The following RAPGEF2 variants were observed in gnomAD, a reference collection of about 807,000 sequenced individuals.
RAPGEF2 encodes PDZ domain containing guanine nucleotide exchange factor (GEF) 1.
In RAPGEF2, 54 loss-of-function variants were observed where a neutral mutation model predicts 186.7. That is an observed-to-expected ratio of 0.29 (90% CI 0.23 to 0.36). RAPGEF2 has a LOEUF of 0.36. Ranked by LOEUF, RAPGEF2 falls within the 10% of genes least tolerant of loss-of-function variation. The probability of loss-of-function intolerance (pLI) is 1.00; values close to 1 mark genes in which losing one functional copy is unlikely to be tolerated. For missense variants in RAPGEF2, 1,532 were observed against 2,045.0 expected (o/e 0.75, Z 4.84); for synonymous variants, 712 against 705.9 (o/e 1.01, Z -0.14).
At chr4:159,326,630 A>G (rs569526971) in intron 11 of RAPGEF2, 2 of 152,226 alleles carry the variant, frequency 1.3e-5, no homozygotes, top group Admixed American at 1.3e-4. Context: ...CAGTTCTCCC[A>G]CTTCAGTGTC....
At chr4:159,243,428 A>C (rs1170954519) in intron 6 of RAPGEF2, among the ~76,000 whole-genome samples, 1 of 152,004 alleles carries the variant, frequency 6.6e-6, no homozygotes, top group Non-Finnish European at 1.5e-5. Flanking sequence ...TAGTAAAAAG[A>C]ATTAAATAGA....
At chr4:159,120,426 G>A (rs997057558) in intron 1 of RAPGEF2, among the ~76,000 whole-genome samples, 44 of 152,156 alleles carry the variant, frequency 2.9e-4, no homozygotes, top group African/African-American at 1.0e-3. Context: ...ATAACTTTAT[G>A]TCTTTAAGAA....
rs1371330731 is a variant in RAPGEF2 at position 159,355,935 on chromosome 4, G to T, written c.4734G>T (p.Gly1578=). 6.3e-7 allele frequency: 1 copy of T among 1,598,864 alleles called. No individual in the cohort carries two copies. The highest frequency in any genetic ancestry group is 8.5e-7 in the Non-Finnish European group (1 of 1,173,276). Residue 1578 remains glycine, a synonymous_variant, in exon 29 of 30, where the codon GGG becomes GGT. Transcript: ENST00000691494. ...IGIPITDFPE[G]HSHPARKPPD... is the part of the protein sequence containing the mutation. ...TTCCCATTACTGACTTTCCAGAAGG[G>T]CACTCCCATCCAGCCAGGAAACCGC...
chr4:159,322,620 T>TCA, intron 10 of RAPGEF2, 137 bp downstream of exon 10: 2 of 667,384 alleles, frequency 3.0e-6, no homozygotes, highest in Non-Finnish European at 5.2e-6. Flanking sequence ...AGAATTATGG[T>TCA]ACACCTGTTA....
intron 3 of RAPGEF2, among the ~76,000 whole-genome samples, 187 bp downstream of exon 3, chr4:159,193,443 T>G (rs1242925993): frequency 6.6e-6 from 1 of 152,218 alleles, no homozygotes; most frequent in African/African-American, 2.4e-5. Context: ...CCTGATAAGT[T>G]CACATTTGTG....
intron 1 of RAPGEF2, among the ~76,000 whole-genome samples, chr4:159,132,591 T>A (rs1330620862): frequency 6.6e-6 from 1 of 152,214 alleles, no homozygotes; most frequent in East Asian, 1.9e-4. Flanking sequence ...CTTTTTAAAA[T>A]CTGACTTTTC....
chr4:159,123,932 C>G (rs541544153), intron 1 of RAPGEF2, among the ~76,000 whole-genome samples: 1 of 151,976 alleles, frequency 6.6e-6, no homozygotes, highest in South Asian at 2.1e-4. Flanking sequence ...CTCGTCTCAC[C>G]GCAAACTCTG....
At chr4:159,157,160 C>CATGACCT (rs1744217625) in intron 1 of RAPGEF2, among the ~76,000 whole-genome samples, 3 of 152,152 alleles carry the variant, frequency 2.0e-5, no homozygotes, top group Non-Finnish European at 2.9e-5. Flanking sequence ...ACCTTCTTCA[C>CATGACCT]ATAACACTTC....
At chr4:159,167,513 G>A (rs559680918) in intron 1 of RAPGEF2, among the ~76,000 whole-genome samples, 1 of 152,342 alleles carries the variant, frequency 6.6e-6, no homozygotes, top group African/African-American at 2.4e-5. Flanking sequence ...GTTGGGCCGG[G>A]AAAGACCCAA....
intron 7 of RAPGEF2, among the ~76,000 whole-genome samples, chr4:159,245,640 A>T (rs1216507553): frequency 1.3e-5 from 2 of 152,022 alleles, no homozygotes; most frequent in African/African-American, 4.8e-5. Context: ...TGGGTAGGAA[A>T]ATCTGAATTC....
At chr4:159,315,744 A>G (rs1415638971) in intron 9 of RAPGEF2, among the ~76,000 whole-genome samples, 1 of 152,218 alleles carries the variant, frequency 6.6e-6, no homozygotes, top group Non-Finnish European at 1.5e-5. Context: ...ACAAAGAGAA[A>G]GACAGCTAAT....
At chr4:159,216,317 T>C (rs1177842404) in intron 4 of RAPGEF2, among the ~76,000 whole-genome samples, 2 of 152,190 alleles carry the variant, frequency 1.3e-5, no homozygotes, top group Admixed American at 6.5e-5. Flanking sequence ...ACGGTGTAAA[T>C]TGACATGGCA....
At chr4:159,349,862 C>T (rs979323241) in intron 25 of RAPGEF2, among the ~76,000 whole-genome samples, 5 of 152,154 alleles carry the variant, frequency 3.3e-5, no homozygotes, top group Non-Finnish European at 7.3e-5. Context: ...ATGGTGACTA[C>T]TTCAAAGTTT....
intron 3 of RAPGEF2, among the ~76,000 whole-genome samples, chr4:159,196,290 A>G (rs1364343779): frequency 6.6e-6 from 1 of 152,188 alleles, no homozygotes; most frequent in Non-Finnish European, 1.5e-5. Context: ...TGTTATATAT[A>G]TAAATTTGTG....
chr4:159,163,760 A>G (rs1203342107), intron 1 of RAPGEF2, among the ~76,000 whole-genome samples: 1 of 152,164 alleles, frequency 6.6e-6, no homozygotes, highest in Non-Finnish European at 1.5e-5. Flanking sequence ...TAGAGACTGT[A>G]TAGTTTTAAA....
rs533284884 is a variant in RAPGEF2, at chr4:159,111,864, T to G, written c.69+7633T>G. Among the ~76,000 whole-genome samples, 4 of 152,296 alleles carry G rather than the reference T, an allele frequency of 2.6e-5. No individual in the cohort carries two copies. The South Asian group carries it at 6.2e-4, about 24-fold the overall frequency. On this transcript the variant is annotated intron_variant, in intron 1 of 29. Transcript: ENST00000691494. ...GTACCCTTTAACCGGTTTCTCCCAT[T>G]AGTAATAGCTTATAAAACTGTAGTG...
Position 159,313,663 on chromosome 4 carries a change from T to C in RAPGEF2, c.676-928T>C, listed in dbSNP as rs1014332989. 7.2e-4 allele frequency among the ~76,000 whole-genome samples: 110 copies of C among 152,254 alleles called. 1 individual carries two copies. The highest frequency in any genetic ancestry group is 7.1e-3 in the Admixed American group (108 of 15,294). On this transcript the variant is annotated intron_variant, in intron 8 of 29. Coordinates refer to ENST00000691494, the MANE Select transcript of RAPGEF2 (RefSeq NM_001394067.2). Reference sequence around the variant, plus strand: ...ACGTTTTCTACAAAATTAATAATTGTATAAGATGTTTTCAAGATTTTAATA... The same window carrying C: ...ACGTTTTCTACAAAATTAATAATTGCATAAGATGTTTTCAAGATTTTAATA...
At chr4:159,119,615 CGGTTATGGAATGCAG>C (rs1160209538) in intron 1 of RAPGEF2, among the ~76,000 whole-genome samples, 1 of 152,068 alleles carries the variant, frequency 6.6e-6, no homozygotes, top group Non-Finnish European at 1.5e-5. Flanking sequence ...ACTGTAGCTA[CGGTTATGGAATGCAG>C]GTATATTCAA....
At chr4:159,232,212 C>T (rs1752721553) in intron 4 of RAPGEF2, among the ~76,000 whole-genome samples, 2 of 152,158 alleles carry the variant, frequency 1.3e-5, no homozygotes, top group African/African-American at 4.8e-5. Context: ...CACTGTTGTG[C>T]CACTAGTGGC....
Sources: allele counts gnomAD v4.1 joint callset (sites outside exome capture counted in the v4.1 genomes callset), GRCh38; gene constraint gnomAD v4.1.1; transcripts MANE v1.5; gene names NCBI Gene and HGNC (gene_info 2026-07-23, HGNC 2026-07-21).